ADAMTS17: variants seen among roughly 807,000 people sequenced by gnomAD.
ADAMTS17 encodes A disintegrin and metalloproteinase with thrombospondin motifs 17.
Under a neutral mutation model 141.5 loss-of-function variants are expected in ADAMTS17, and 113 were observed. The ratio of observed to expected loss-of-function variants is 0.80; its 90% CI spans 0.69 to 0.93. The LOEUF is 0.93. Among genes scored for constraint, ADAMTS17 ranks in the 40% least tolerant of loss-of-function variants. The pLI is 0.00. For missense variants in ADAMTS17, 1,659 were observed against 1,517.9 expected (o/e 1.09, Z -1.54); for synonymous variants, 768 against 630.6 (o/e 1.22, Z -3.27).
At position 99,997,658 on chromosome 15, in the gene ADAMTS17, G is replaced by GAGAGCAATT. The variant is rs1453976163; in HGVS notation, c.2592-70_2592-69insAATTGCTCT. 6.3e-7 allele frequency: 1 copy of GAGAGCAATT among 1,595,244 alleles called. No individual in the cohort carries two copies. Among genetic ancestry groups the GAGAGCAATT allele is most frequent in the Non-Finnish European group, 8.6e-7 (1 of 1,167,754 alleles). On this transcript the variant is annotated intron_variant, in intron 18 of 21. Transcript: ENST00000268070. The surrounding 1 kb of genome is among the most constrained non-coding windows in gnomAD (Gnocchi z 4.7). The stretch of plus-strand genomic sequence containing the variant: ...GCCAGCCTCTCCGGAGGGCCTTCCG[G>GAGAGCAATT]CCGGATCCTGGAATTGCTGCCCTGT...
chr15:100,182,035 A>G (rs917221083), intron 8 of ADAMTS17, among the ~76,000 whole-genome samples: 1 of 152,230 alleles, frequency 6.6e-6, no homozygotes, highest in Non-Finnish European at 1.5e-5. Flanking sequence ...TAGGACATCC[A>G]TGGGTGTCAG....
chr15:100,006,300 G>A (rs1284623259), intron 18 of ADAMTS17, among the ~76,000 whole-genome samples: 1 of 152,100 alleles, frequency 6.6e-6, no homozygotes, highest in Non-Finnish European at 1.5e-5. Flanking sequence ...ACACCTGTGG[G>A]GCCGTTATTC....
chr15:100,328,268 G>C lies in ADAMTS17; in HGVS notation c.616+2621C>G, dbSNP rs112955968. The stretch of plus-strand genomic sequence containing the variant: ...TAATTTTCCCGATTTCTAAACTCCT[G>C]ATGTTTGAAAGCTAATCCAAACTAG... On this transcript the variant is annotated intron_variant, in intron 3 of 21. Coordinates refer to ENST00000268070, the MANE Select transcript of ADAMTS17 (RefSeq NM_139057.4). 3.1e-3 allele frequency among the ~76,000 whole-genome samples: 479 copies of C among 152,286 alleles called. 2 individuals carry two copies. Among genetic ancestry groups the C allele is most frequent in the African/African-American group, 0.011 (456 of 41,552 alleles).
In ADAMTS17 at chr15:100,155,347, G is replaced by A. The variant is rs769338624; in HGVS notation, c.1182-27C>T. On this transcript the variant is annotated intron_variant, in intron 8 of 21. Transcript: ENST00000268070. ...TGTCCAAGAAGGAGGAGAGAGGGAT[G>A]CTTATGCTACAAGCTTCTCATTTCC... 9.3e-6 allele frequency: 15 copies of A among 1,607,416 alleles called. 1 individual carries two copies. In the South Asian group the frequency reaches 1.7e-4, roughly 18 times the overall value.
intron 7 of ADAMTS17, among the ~76,000 whole-genome samples, chr15:100,214,637 A>G (rs1380195785): frequency 6.6e-6 from 1 of 152,204 alleles, no homozygotes; most frequent in Admixed American, 6.5e-5. Context: ...TTTATTGGCC[A>G]CTTCTTAATG....
At chr15:100,140,464 C>T (rs2038572021) in intron 10 of ADAMTS17, among the ~76,000 whole-genome samples, 2 of 118,940 alleles carry the variant, frequency 1.7e-5, no homozygotes, top group Admixed American at 9.5e-5. Context: ...CACACACACA[C>T]ACACAGACAC....
chr15:100,162,343 A>G (rs1269637903), intron 8 of ADAMTS17, among the ~76,000 whole-genome samples: 2 of 148,940 alleles, frequency 1.3e-5, no homozygotes, highest in Non-Finnish European at 3.0e-5. Context: ...TACCTGTCCT[A>G]TATACCTATA....
At chr15:100,173,304 C>T (rs764688090) in intron 8 of ADAMTS17, among the ~76,000 whole-genome samples, 18 of 152,126 alleles carry the variant, frequency 1.2e-4, no homozygotes, top group Admixed American at 2.0e-4. Flanking sequence ...GCAAGTTCAT[C>T]TATGTGCTTA....
At chr15:100,099,181 G>A (rs2035946623) in intron 14 of ADAMTS17, among the ~76,000 whole-genome samples, 1 of 152,164 alleles carries the variant, frequency 6.6e-6, no homozygotes, top group African/African-American at 2.4e-5. Flanking sequence ...CCATCCAGGG[G>A]CTGGGACAGG....
chr15:100,018,926 T>G (rs2061346446), intron 18 of ADAMTS17, among the ~76,000 whole-genome samples: 1 of 152,234 alleles, frequency 6.6e-6, no homozygotes, highest in Non-Finnish European at 1.5e-5. Context: ...GTAACCCCTT[T>G]GGAGTAAAGC....
At chr15:100,141,396 G>A (rs112949933) in intron 10 of ADAMTS17, among the ~76,000 whole-genome samples, 53 of 152,240 alleles carry the variant, frequency 3.5e-4, no homozygotes, top group African/African-American at 8.7e-4. Context: ...TTTGGAGGGC[G>A]GCTCTAACTC....
chr15:100,028,703 G>A (rs1202977173), intron 18 of ADAMTS17, among the ~76,000 whole-genome samples: 1 of 152,212 alleles, frequency 6.6e-6, no homozygotes, highest in African/African-American at 2.4e-5. Flanking sequence ...GGCAGCAGCG[G>A]GGCTGAGATG....
intron 10 of ADAMTS17, among the ~76,000 whole-genome samples, chr15:100,137,756 G>A (rs1483910901): frequency 6.6e-6 from 1 of 152,196 alleles, no homozygotes; most frequent in African/African-American, 2.4e-5. Context: ...ATGAGCACAT[G>A]CAAGGGTGGG....
chr15:100,254,310 G>A (rs777833162), intron 6 of ADAMTS17, 131 bp from the exon 7 acceptor site: 5 of 827,702 alleles, frequency 6.0e-6, no homozygotes, highest in South Asian at 1.5e-5. Flanking sequence ...CACAGCGAAT[G>A]ATAACAAACA....
chr15:100,321,715 G>A (rs1478148451), intron 3 of ADAMTS17, among the ~76,000 whole-genome samples: 1 of 152,058 alleles, frequency 6.6e-6, no homozygotes, highest in Non-Finnish European at 1.5e-5. Context: ...GAGATCAATA[G>A]AATTAAAAGG....
intron 10 of ADAMTS17, among the ~76,000 whole-genome samples, chr15:100,135,087 C>A (rs940010753): frequency 6.6e-6 from 1 of 152,040 alleles, no homozygotes; most frequent in African/African-American, 2.4e-5. Flanking sequence ...GGAGAAATGA[C>A]CACTCCATCA....
In ADAMTS17 at chr15:100,121,732, G is replaced by T. The variant is rs183213787; in HGVS notation, c.1722-4719C>A. 3.3e-5 allele frequency among the ~76,000 whole-genome samples: 5 copies of T among 151,930 alleles called. No individual in the cohort carries two copies. The East Asian group carries it at 9.7e-4, about 29-fold the overall frequency. ...AAGTTCAAATGAAAGGATACTAGATGTAACCTGAATGCAGGAGGAACAGGC... is the reference window on the plus strand; with the variant it reads ...AAGTTCAAATGAAAGGATACTAGATTTAACCTGAATGCAGGAGGAACAGGC... On this transcript the variant is annotated intron_variant, in intron 12 of 21. Transcript: ENST00000268070.
At chr15:100,253,175 G>C (rs897698658) in intron 7 of ADAMTS17, among the ~76,000 whole-genome samples, 1 of 151,552 alleles carries the variant, frequency 6.6e-6, no homozygotes, top group Non-Finnish European at 1.5e-5. Context: ...GCCTCCCGAT[G>C]AACAAAGGTT....
chr15:100,106,405 A>G (rs1381913019), intron 14 of ADAMTS17, among the ~76,000 whole-genome samples: 1 of 152,204 alleles, frequency 6.6e-6, no homozygotes, highest in Non-Finnish European at 1.5e-5. Context: ...CCTCATGACC[A>G]CAGACTTAGG....
Sources: gnomAD v4.1 joint callset for allele counts (sites outside exome capture counted in the v4.1 genomes callset) on GRCh38, gnomAD v4.1.1 for gene constraint, Gnocchi (gnomAD v3.1) non-coding constraint, MANE v1.5 for transcripts, NCBI Gene and HGNC (gene_info 2026-07-23, HGNC 2026-07-21) for gene names.